ZNF765: variants seen among roughly 807,000 people sequenced by gnomAD.
ZNF765 encodes the protein zinc finger protein 765.
In ZNF765, 37 loss-of-function variants were observed where a neutral mutation model predicts 44.7. That is an observed-to-expected ratio of 0.83 (90% CI 0.64 to 1.09). ZNF765 has a LOEUF of 1.09. ZNF765 is among the 50% of genes least tolerant of loss of function. The pLI is 0.00. For missense variants in ZNF765, 594 were observed against 626.1 expected, an observed-to-expected ratio of 0.95 and a Z score of 0.55; for synonymous variants, 201 against 213.7, an observed-to-expected ratio of 0.94 and a Z score of 0.52.
intron 3 of ZNF765, among the ~76,000 whole-genome samples, chr19:53,403,962 T>C (rs1462349516): frequency 2.0e-5 from 3 of 152,366 alleles, no homozygotes; most frequent in Middle Eastern, 6.8e-3. Flanking sequence ...TTAACATATA[T>C]GTAGTGTTTT....
chr19:53,406,746 C>T (rs1274806905), intron 3 of ZNF765, among the ~76,000 whole-genome samples: 1 of 152,126 alleles, frequency 6.6e-6, no homozygotes, highest in Non-Finnish European at 1.5e-5. Flanking sequence ...GAAACCCTAT[C>T]TCTACTAAAA....
intron 1 of ZNF765, among the ~76,000 whole-genome samples, chr19:53,397,092 G>T (rs1264137031): frequency 6.6e-5 from 10 of 152,242 alleles, no homozygotes; most frequent in African/African-American, 1.9e-4. Context: ...AGGGACTCGG[G>T]AGTCTACTTT....
chr19:53,419,520 T>C (rs148838644), intron 3 of ZNF765, among the ~76,000 whole-genome samples: 1,738 of 152,320 alleles, frequency 0.011, 10 homozygotes, highest in Non-Finnish European at 0.016. Flanking sequence ...TAATCAGTTT[T>C]AGATAGCAGT....
At chr19:53,414,206 A>C (rs1301634759), downstream of ZNF765, among the ~76,000 whole-genome samples, 3 of 134,436 alleles carry the variant, frequency 2.2e-5, no homozygotes, top group African/African-American at 8.2e-5. Context: ...GCGCTACTGC[A>C]CTCCAACCTG....
chr19:53,408,912 C>T lies in ZNF765; in HGVS notation c.1357C>T (p.Leu453Phe), dbSNP rs550891269. ...CDKAYSFKSN[L>F]EIHQKIHTEE... ...CAAAGCCTACAGTTTCAAATCAAACCTTGAAATACATCAGAAAATTCATAC... is the reference window on the plus strand; with the variant it reads ...CAAAGCCTACAGTTTCAAATCAAACTTTGAAATACATCAGAAAATTCATAC... The change falls in exon 4 of 4, where the codon CTT becomes TTT. Residue 453 changes from leucine to phenylalanine, a missense_variant. Physicochemically the swap from Leu to Phe is conservative, Grantham distance 22. Transcript: ENST00000396408. The T allele has an allele frequency of 1.2e-5, 19 of 1,613,268 alleles. No homozygotes were observed. Among genetic ancestry groups the T allele is most frequent in the Non-Finnish European group, 1.4e-5 (17 of 1,179,880 alleles).
downstream of ZNF765, among the ~76,000 whole-genome samples, chr19:53,415,073 A>T (rs887728778): frequency 2.0e-5 from 3 of 152,136 alleles, no homozygotes; most frequent in East Asian, 5.8e-4. Flanking sequence ...GGAGTTTGAG[A>T]CCAGCCTGAC....
chr19:53,398,104 C>G, intron 2 of ZNF765, 74 bp downstream of exon 2: 1 of 1,611,714 alleles, frequency 6.2e-7, no homozygotes, highest in Non-Finnish European at 8.5e-7. Context: ...TTGGAATCTT[C>G]TCTGAGTCTG....
chr19:53,398,508 G>A (rs1434760018), intron 2 of ZNF765, among the ~76,000 whole-genome samples: 1 of 152,174 alleles, frequency 6.6e-6, no homozygotes, highest in Non-Finnish European at 1.5e-5. Context: ...GAGTTACTGT[G>A]TTTCTGACTC....
chr19:53,405,946 T>TAA (rs2085770915), intron 3 of ZNF765, among the ~76,000 whole-genome samples: 1 of 120,302 alleles, frequency 8.3e-6, no homozygotes. Flanking sequence ...TATATATATA[T>TAA]ATATAAAATT....
chr19:53,422,575 T>G (rs1351527186), intron 3 of ZNF765, among the ~76,000 whole-genome samples: 3 of 152,140 alleles, frequency 2.0e-5, no homozygotes, highest in Non-Finnish European at 4.4e-5. Context: ...TTTTTATATA[T>G]TTACTTATTT....
chr19:53,397,033 T>G (rs968358685), intron 1 of ZNF765, among the ~76,000 whole-genome samples: 1 of 152,228 alleles, frequency 6.6e-6, no homozygotes, highest in African/African-American at 2.4e-5. Flanking sequence ...CTAGAACCAC[T>G]CCTGTTAAGG....
At chr19:53,426,963 C>T (rs1307423613) in exon 4 of ZNF765, 1 of 146,656 alleles carries the variant, frequency 6.8e-6, no homozygotes, top group Non-Finnish European at 1.5e-5. Context: ...TCTCCTCTTC[C>T]TTCCGGACCT....
intron 3 of ZNF765, among the ~76,000 whole-genome samples, chr19:53,419,222 C>T (rs1053039006): frequency 1.9e-4 from 29 of 152,246 alleles, no homozygotes; most frequent in African/African-American, 6.3e-4. Context: ...GCCTACTTTA[C>T]ACAAATCATA....
chr19:53,419,579 A>C (rs573775060), intron 3 of ZNF765, among the ~76,000 whole-genome samples: 93 of 152,286 alleles, frequency 6.1e-4, no homozygotes, highest in Admixed American at 1.6e-3. Context: ...AGAAAGTCTA[A>C]TATCCGGCTC....
downstream of ZNF765, chr19:53,413,306 TA>T: frequency 1.7e-6 from 1 of 586,806 alleles, no homozygotes. Flanking sequence ...GGTACAACTT[TA>T]AAAGGAGACA....
chr19:53,400,411 G>T (rs571831795), intron 2 of ZNF765, among the ~76,000 whole-genome samples: 5 of 152,158 alleles, frequency 3.3e-5, no homozygotes, highest in African/African-American at 7.2e-5. Flanking sequence ...GATTCCTCCA[G>T]GTCAGGCAGT....
downstream of ZNF765, among the ~76,000 whole-genome samples, chr19:53,414,995 C>G (rs952312107): frequency 1.3e-5 from 2 of 151,982 alleles, no homozygotes; most frequent in Non-Finnish European, 2.9e-5. Flanking sequence ...TGATTGGCCA[C>G]GCACGGTGGC....
At position 53,407,745 on chromosome 19, in the gene ZNF765, G is replaced by A. The variant is rs2085788931; in HGVS notation, c.190G>A (p.Gly64Ser). The A allele has an allele frequency of 6.3e-7, 1 of 1,592,042 alleles. No individual in the cohort carries two copies. Among genetic ancestry groups the A allele is most frequent in the Non-Finnish European group, 8.5e-7 (1 of 1,170,382 alleles). The change falls in exon 4 of 4, where the codon GGC (glycine) becomes AGC (serine). Residue 64 changes from glycine to serine, a missense_variant. Physicochemically the swap from Gly to Ser is moderately conservative, Grantham distance 56. This residue lies in a region of ZNF765 where 567 missense variants were observed against 572.6 expected (regional missense o/e 0.99). Coordinates refer to ENST00000396408, the MANE Select transcript of ZNF765 (RefSeq NM_001040185.3). ...MMKEFSSTAQ[G>S]NREVFHAGTS... ...GAAGGAGTTCTCGTCAACAGCACAA[G>A]GCAATAGAGAAGTGTTCCATGCAGG...
chr19:53,419,159 C>G (rs1048335107), intron 3 of ZNF765, among the ~76,000 whole-genome samples: 1 of 151,970 alleles, frequency 6.6e-6, no homozygotes, highest in Admixed American at 6.6e-5. Context: ...GATAATGAAA[C>G]CTGGGTTTTA....
Sources: gnomAD v4.1 joint callset for allele counts (sites outside exome capture counted in the v4.1 genomes callset) on GRCh38, gnomAD v4.1.1 for gene constraint, gnomAD v4.1.1 regional missense constraint, MANE v1.5 for transcripts, NCBI Gene and HGNC (gene_info 2026-07-23, HGNC 2026-07-21) for gene names.